Variants in ARHGEF38 observed in about 807,000 individuals in gnomAD.
ARHGEF38 encodes Rho guanine nucleotide exchange factor 38.
ARHGEF38 carries 79 observed loss-of-function variants against 79.9 expected under a neutral mutation model. That is an observed-to-expected ratio of 0.99 (90% CI 0.82 to 1.19). ARHGEF38 has a LOEUF of 1.19. Ranked by LOEUF, ARHGEF38 falls within the 50% of genes most tolerant of loss-of-function variation. ARHGEF38 has a pLI of 0.00. For synonymous variants in ARHGEF38, 366 were observed against 328.3 expected (o/e 1.11, Z -1.24); for missense variants, 962 against 907.2 (o/e 1.06, Z -0.78).
At chr4:105,663,206 A>G (rs1056262257) in intron 10 of ARHGEF38, among the ~76,000 whole-genome samples, 1 of 152,130 alleles carries the variant, frequency 6.6e-6, no homozygotes, top group East Asian at 1.9e-4. Context: ...CCTTGTTTTA[A>G]TACCTGCTCA....
chr4:105,653,612 A>T (rs749825454), intron 7 of ARHGEF38, among the ~76,000 whole-genome samples: 2 of 152,162 alleles, frequency 1.3e-5, no homozygotes, highest in Non-Finnish European at 2.9e-5. Context: ...ACATTTATTT[A>T]ACCATGAATC....
intron 1 of ARHGEF38, among the ~76,000 whole-genome samples, chr4:105,589,026 T>C (rs918795620): frequency 6.6e-6 from 1 of 152,220 alleles, no homozygotes; most frequent in African/African-American, 2.4e-5. Context: ...GCCACGATAA[T>C]TGAGTATCAT....
At chr4:105,585,102 C>T (rs1174825317) in intron 1 of ARHGEF38, among the ~76,000 whole-genome samples, 1 of 152,160 alleles carries the variant, frequency 6.6e-6, no homozygotes, top group Non-Finnish European at 1.5e-5. Flanking sequence ...TTGGTAACCA[C>T]AAAATAATGG....
chr4:105,679,347 C>G lies in ARHGEF38; in HGVS notation c.*1410C>G. 1 of 1,017,016 alleles carries G rather than the reference C, an allele frequency of 9.8e-7. No homozygotes were observed. The highest frequency in any genetic ancestry group is 1.8e-5 in the Admixed American group (1 of 56,632). 63.0% of individuals were successfully genotyped at this position (1,017,016 alleles called of 1,614,324 possible). ...AATTGGAGGAATATCAAAGCAAACA[C>G]CCATATTTCCTTTCAGGAGGCACAC... On this transcript the variant is annotated 3_prime_UTR_variant, in exon 14 of 14. Coordinates refer to ENST00000420470, the MANE Select transcript of ARHGEF38 (RefSeq NM_001242729.2).
chr4:105,667,853 A>T, intron 13 of ARHGEF38, 150 bp downstream of exon 13: 1 of 937,056 alleles, frequency 1.1e-6, no homozygotes, highest in Non-Finnish European at 1.6e-6. Context: ...TCTTTTTGTA[A>T]GGAGTTTAAT....
At chr4:105,599,682 T>A (rs1015480373) in intron 2 of ARHGEF38, among the ~76,000 whole-genome samples, 1 of 152,140 alleles carries the variant, frequency 6.6e-6, no homozygotes, top group Non-Finnish European at 1.5e-5. Flanking sequence ...TAGCCATGCA[T>A]ATCAGTACAG....
At chr4:105,578,195 G>A (rs553963530) in intron 1 of ARHGEF38, among the ~76,000 whole-genome samples, 2 of 152,272 alleles carry the variant, frequency 1.3e-5, no homozygotes, top group Non-Finnish European at 2.9e-5. Context: ...AAATCATTCA[G>A]GAGCAGATCG....
At chr4:105,658,475 T>C (rs534917686) in intron 9 of ARHGEF38, among the ~76,000 whole-genome samples, 1 of 152,254 alleles carries the variant, frequency 6.6e-6, no homozygotes, top group South Asian at 2.1e-4. Flanking sequence ...AAAATACCTT[T>C]ATTAAGGGGT....
chr4:105,563,979 T>C (rs1428997390), intron 1 of ARHGEF38, among the ~76,000 whole-genome samples: 1 of 152,200 alleles, frequency 6.6e-6, no homozygotes, highest in East Asian at 1.9e-4. Context: ...AATTATCTAG[T>C]CTTTGAAAAC....
intron 10 of ARHGEF38, among the ~76,000 whole-genome samples, chr4:105,665,850 C>A (rs1730730078): frequency 6.6e-6 from 1 of 152,210 alleles, no homozygotes; most frequent in African/African-American, 2.4e-5. Context: ...CTTTTAGCTG[C>A]TTTCCCTTGC....
intron 1 of ARHGEF38, among the ~76,000 whole-genome samples, chr4:105,585,726 CTTTTTTT>C (rs3056719): frequency 5.6e-5 from 4 of 71,504 alleles, no homozygotes; most frequent in East Asian, 4.8e-4. Flanking sequence ...CCCTCCGTTG[CTTTTTTT>C]TTTTTTTTTT....
chr4:105,670,472 A>T (rs1730922502), intron 13 of ARHGEF38, among the ~76,000 whole-genome samples: 1 of 152,020 alleles, frequency 6.6e-6, no homozygotes, highest in Non-Finnish European at 1.5e-5. Context: ...TGCCTATTTA[A>T]AAAAAACTGG....
In ARHGEF38 at chr4:105,553,092, G is replaced by A. The variant is rs1268107236; in HGVS notation, c.196+131G>A. Reference sequence around the variant, plus strand: ...ACCACCTCTCCTTCCCACAAAATAAGAAGATGAAAGTAAATGTGACCTATA... The same window carrying A: ...ACCACCTCTCCTTCCCACAAAATAAAAAGATGAAAGTAAATGTGACCTATA... On this transcript the variant is annotated intron_variant, in intron 1 of 13. Coordinates refer to ENST00000420470, the MANE Select transcript of ARHGEF38 (RefSeq NM_001242729.2). 9.1e-6 allele frequency: 6 copies of A among 659,878 alleles called. No homozygotes were observed. The African/African-American group carries it at 9.4e-5, about 10-fold the overall frequency. The allele number at this position is 659,878 out of a possible 1,614,324, so 40.9% of individuals were successfully genotyped here.
intron 2 of ARHGEF38, among the ~76,000 whole-genome samples, chr4:105,605,132 T>C (rs1293438475): frequency 6.6e-6 from 1 of 152,148 alleles, no homozygotes; most frequent in Non-Finnish European, 1.5e-5. Flanking sequence ...GCTGAGTAAC[T>C]TCTTTTCTGC....
intron 6 of ARHGEF38, 121 bp from the exon 7 acceptor site, chr4:105,648,428 G>A: frequency 1.2e-5 from 11 of 925,068 alleles, no homozygotes; most frequent in Non-Finnish European, 1.6e-5. Flanking sequence ...CTGCAGCAGA[G>A]GCTCAAAAAT....
intron 7 of ARHGEF38, among the ~76,000 whole-genome samples, chr4:105,652,825 A>T (rs1266560430): frequency 6.6e-6 from 1 of 152,196 alleles, no homozygotes; most frequent in Non-Finnish European, 1.5e-5. Context: ...ATTCCAAAGA[A>T]CTCTGCTGCC....
At chr4:105,560,187 T>C (rs1233863224) in intron 1 of ARHGEF38, among the ~76,000 whole-genome samples, 2 of 152,220 alleles carry the variant, frequency 1.3e-5, no homozygotes, top group Non-Finnish European at 2.9e-5. Context: ...TCTTTTGACT[T>C]ATAGTGGCAT....
intron 6 of ARHGEF38, 53 bp from the exon 7 acceptor site, chr4:105,648,496 A>G: frequency 7.1e-7 from 1 of 1,413,658 alleles, no homozygotes; most frequent in Non-Finnish European, 9.2e-7. Context: ...GGTGAAGTGC[A>G]CACTTTCTAT....
rs1727203379 is a variant in ARHGEF38 at position 105,589,251 on chromosome 4, A to C, written c.200A>C (p.Lys67Thr). 6.2e-7 allele frequency: 1 copy of C among 1,605,570 alleles called. No individual in the cohort carries two copies. Among genetic ancestry groups the C allele is most frequent in the Admixed American group, 1.7e-5 (1 of 57,586 alleles). Reference sequence around the variant, plus strand: ...TGTATATGTTTTCATTTAACAGAAAAGATGACTCCACAGGGTGAGTGTTCT... The same window carrying C: ...TGTATATGTTTTCATTTAACAGAAACGATGACTCCACAGGGTGAGTGTTCT... ...RTEYNQKLQEKMTPQGECSVA... is the reference protein window; with the variant it reads ...RTEYNQKLQETMTPQGECSVA... The change falls in exon 2 of 14, where the codon AAG (lysine) becomes ACG (threonine). Residue 67 changes from lysine to threonine, a missense_variant. Coordinates refer to ENST00000420470, the MANE Select transcript of ARHGEF38 (RefSeq NM_001242729.2).
Sources: gnomAD v4.1 joint callset for allele counts (sites outside exome capture counted in the v4.1 genomes callset) on GRCh38, gnomAD v4.1.1 for gene constraint, MANE v1.5 for transcripts, NCBI Gene and HGNC (gene_info 2026-07-23, HGNC 2026-07-21) for gene names.